The following GSDME variants were observed in gnomAD, a reference collection of about 807,000 sequenced individuals.
GSDME encodes gasdermin E.
In GSDME, 44 loss-of-function variants were observed where a neutral mutation model predicts 47.5. That is an observed-to-expected ratio of 0.93 (90% CI 0.73 to 1.19). The LOEUF is 1.19. Among genes scored for constraint, GSDME ranks in the 50% most tolerant of loss-of-function variants. GSDME has a pLI of 0.00. For synonymous variants in GSDME, 258 were observed against 252.8 expected (o/e 1.02, Z -0.20); for missense variants, 663 against 604.2 (o/e 1.10, Z -1.02).
At chr7:24,790,370 A>T in the GSDME span, among the ~76,000 whole-genome samples, 1 of 152,224 alleles carries the variant, frequency 6.6e-6, no homozygotes, top group African/African-American at 2.4e-5. This position sits in a 1 kb window ranked among gnomAD's most constrained non-coding sequence, Gnocchi z 4.1. Flanking sequence ...TGATTCTCTC[A>T]GGGGGCCATT....
chr7:24,744,704 C>T lies in GSDME; in HGVS notation c.262G>A (p.Val88Met), dbSNP rs562948474. The stretch of plus-strand genomic sequence containing the variant: ...AGTGCAGTCTCCAGGGTTCCACTCA[C>T]GTGGTTTGCAAACTTGCCCTCGTAT... ...VKYEGKFANH[V>M]SGTLETALGK... The change falls in exon 3 of 10, where the codon GTG becomes ATG. Residue 88 changes from valine (V) to methionine (M), a missense_variant. Coordinates refer to ENST00000645220, the MANE Select transcript of GSDME (RefSeq NM_001127453.2). This position sits in a 1 kb window ranked among gnomAD's most constrained non-coding sequence, Gnocchi z 4.5. The T allele has an allele frequency of 1.5e-5, 24 of 1,614,020 alleles. No homozygotes were observed. The African/African-American group carries it at 1.7e-4, about 12-fold the overall frequency.
Position 24,698,450 on chromosome 7 carries a change from G to A in GSDME, c.*576C>T, listed in dbSNP as rs1788722563. 5.8e-6 allele frequency: 1 copy of A among 171,584 alleles called. No homozygotes were observed. The highest frequency in any genetic ancestry group is 5.6e-5 in the Admixed American group (1 of 17,930). 10.6% of individuals were successfully genotyped at this position (171,584 alleles called of 1,614,324 possible). On this transcript the variant is annotated 3_prime_UTR_variant, in exon 10 of 10. Coordinates refer to ENST00000645220, the MANE Select transcript of GSDME (RefSeq NM_001127453.2). ...TAGTATGTTCACTGAAGCATGGCAA[G>A]GTCACATAAAATGCATATAGCTAGG...
At position 24,726,373 on chromosome 7, in the gene GSDME, T is replaced by C. The variant is rs1162523990; in HGVS notation, c.405-7155A>G. ...CTGCAGAGACACAGGAGGGCGAGCTTTGTCATGCAGACCCCACACTTCAAC... is the reference window on the plus strand; with the variant it reads ...CTGCAGAGACACAGGAGGGCGAGCTCTGTCATGCAGACCCCACACTTCAAC... On this transcript the variant is annotated intron_variant, in intron 3 of 9. Coordinates refer to ENST00000645220, the MANE Select transcript of GSDME (RefSeq NM_001127453.2). This position sits in a 1 kb window ranked among gnomAD's most constrained non-coding sequence, Gnocchi z 5.6. Among the ~76,000 whole-genome samples the C allele has an allele frequency of 6.6e-6, 1 of 152,032 alleles. No homozygotes were observed. Among genetic ancestry groups the C allele is most frequent in the Non-Finnish European group, 1.5e-5 (1 of 67,990 alleles).
chr7:24,700,302 C>G (rs1037235354), intron 9 of GSDME, among the ~76,000 whole-genome samples: 11 of 152,296 alleles, frequency 7.2e-5, no homozygotes, highest in African/African-American at 2.6e-4. Flanking sequence ...CTGCTCAACA[C>G]ATACTTGAAA....
In GSDME at chr7:24,717,276, G is replaced by C. The variant is rs146686716; in HGVS notation, c.675C>G (p.Tyr225Ter). ...TTIAYGVIELYVKLDGQFEFC... is the reference protein window; with the variant it reads ...TTIAYGVIEL The stretch of plus-strand genomic sequence containing the variant: ...CACCGAACTGGCCGTCCAGTTTCAC[G>C]TATAACTCAATGACACCGTAGGCAA... The change falls in exon 5 of 10, where the codon TAC becomes TAG. Residue 225 changes from tyrosine to a stop codon, truncating the protein, a stop_gained. Coordinates refer to ENST00000645220, the MANE Select transcript of GSDME (RefSeq NM_001127453.2). LOFTEE classifies it high-confidence loss of function. 2 of 1,613,116 alleles carry C rather than the reference G, an allele frequency of 1.2e-6. No individual in the cohort carries two copies. The highest frequency in any genetic ancestry group is 1.7e-6 in the Non-Finnish European group (2 of 1,179,598).
chr7:24,737,021 G>A (rs1790327912), intron 3 of GSDME, among the ~76,000 whole-genome samples: 1 of 151,996 alleles, frequency 6.6e-6, no homozygotes, highest in Non-Finnish European at 1.5e-5. Context: ...AGTACTAAGA[G>A]GAAGTTTATA....
At chr7:24,708,363 A>G (rs1196707994) in intron 6 of GSDME, 109 bp from the exon 7 acceptor site, 3 of 1,317,098 alleles carry the variant, frequency 2.3e-6, no homozygotes, top group Non-Finnish European at 3.2e-6. Flanking sequence ...TTTCATGGAT[A>G]TTCCCAGCTG....
chr7:24,701,389 GCAGAA>G (rs1788862358), intron 9 of GSDME, among the ~76,000 whole-genome samples: 2 of 152,222 alleles, frequency 1.3e-5, no homozygotes, highest in South Asian at 4.1e-4. Flanking sequence ...CACCAACAGA[GCAGAA>G]CTTGGGGGTA....
chr7:24,791,840 C>T, the GSDME span, among the ~76,000 whole-genome samples: 4 of 152,192 alleles, frequency 2.6e-5, no homozygotes, highest in African/African-American at 4.8e-5. The surrounding 1 kb of genome is among the most constrained non-coding windows in gnomAD (Gnocchi z 4.8). Context: ...TGCATCCCTT[C>T]AGGTCTCCAG....
At chr7:24,746,795 G>A (rs1790681528) in intron 2 of GSDME, among the ~76,000 whole-genome samples, 1 of 152,122 alleles carries the variant, frequency 6.6e-6, no homozygotes, top group Admixed American at 6.5e-5. Flanking sequence ...AGAAATGAGG[G>A]GACCAACAGG....
the GSDME span, among the ~76,000 whole-genome samples, chr7:24,766,467 C>T: frequency 1.2e-4 from 18 of 152,026 alleles, no homozygotes; most frequent in East Asian, 3.9e-4. The surrounding 1 kb of genome is among the most constrained non-coding windows in gnomAD (Gnocchi z 4.2). Context: ...TCACACCCAC[C>T]GACAGGCCCC....
At chr7:24,791,164 A>G in the GSDME span, among the ~76,000 whole-genome samples, 6 of 151,992 alleles carry the variant, frequency 3.9e-5, no homozygotes, top group East Asian at 1.2e-3. This position sits in a 1 kb window ranked among gnomAD's most constrained non-coding sequence, Gnocchi z 4.8. Context: ...CCACTGTGGG[A>G]GTGGTCAAGA....
the GSDME span, among the ~76,000 whole-genome samples, chr7:24,791,018 A>T: frequency 3.3e-5 from 5 of 152,148 alleles, no homozygotes; most frequent in Non-Finnish European, 5.9e-5. This position sits in a 1 kb window ranked among gnomAD's most constrained non-coding sequence, Gnocchi z 4.8. Context: ...GTCAGCTTCC[A>T]GGTGTGACTG....
chr7:24,707,662 A>G (rs938531880), intron 7 of GSDME: 16 of 350,310 alleles, frequency 4.6e-5, no homozygotes, highest in Admixed American at 1.2e-4. Flanking sequence ...TGGTGTCTTT[A>G]TAACAGACAG....
At chr7:24,778,743 G>C in the GSDME span, among the ~76,000 whole-genome samples, 1 of 152,336 alleles carries the variant, frequency 6.6e-6, no homozygotes, top group East Asian at 1.9e-4. The surrounding 1 kb of genome is among the most constrained non-coding windows in gnomAD (Gnocchi z 5.6). Context: ...GGCCAACACA[G>C]AAGCTGCACG....
chr7:24,773,421 G>A, the GSDME span, among the ~76,000 whole-genome samples: 6 of 152,246 alleles, frequency 3.9e-5, 1 homozygote, highest in East Asian at 3.9e-4. This position sits in a 1 kb window ranked among gnomAD's most constrained non-coding sequence, Gnocchi z 5.4. Flanking sequence ...CCAAATATTT[G>A]TAGCCTTCCT....
At chr7:24,772,882 A>G in the GSDME span, among the ~76,000 whole-genome samples, 2 of 152,190 alleles carry the variant, frequency 1.3e-5, no homozygotes, top group African/African-American at 2.4e-5. The surrounding 1 kb of genome is among the most constrained non-coding windows in gnomAD (Gnocchi z 4.5). Flanking sequence ...AGGCTGTTCA[A>G]TGAGACTTGA....
upstream of GSDME, among the ~76,000 whole-genome samples, chr7:24,760,025 T>G (rs1428740501): frequency 6.6e-6 from 1 of 152,226 alleles, no homozygotes; most frequent in Non-Finnish European, 1.5e-5. The surrounding 1 kb of genome is among the most constrained non-coding windows in gnomAD (Gnocchi z 4.2). Context: ...CATATAGATA[T>G]ATCCCCTTTG....
chr7:24,771,848 T>C, the GSDME span, among the ~76,000 whole-genome samples: 1 of 152,260 alleles, frequency 6.6e-6, no homozygotes, highest in East Asian at 1.9e-4. The surrounding 1 kb of genome is among the most constrained non-coding windows in gnomAD (Gnocchi z 4.1). Flanking sequence ...AAGAAGAATC[T>C]CTAAGTCTTG....
Sources: gnomAD v4.1 joint callset for allele counts (sites outside exome capture counted in the v4.1 genomes callset) on GRCh38, gnomAD v4.1.1 for gene constraint, Gnocchi (gnomAD v3.1) non-coding constraint, MANE v1.5 for transcripts, NCBI Gene and HGNC (gene_info 2026-07-23, HGNC 2026-07-21) for gene names.